TMTC2: variants seen among roughly 807,000 people sequenced by gnomAD.
TMTC2 encodes the protein transmembrane O-mannosyltransferase targeting cadherins 2, also known as protein O-mannosyl-transferase TMTC2.
Under a neutral mutation model 82.4 loss-of-function variants are expected in TMTC2, and 43 were observed. The observed-to-expected ratio is 0.52, with a 90% CI of 0.41 to 0.67. TMTC2 has a LOEUF of 0.67. Among genes scored for constraint, TMTC2 ranks in the 30% least tolerant of loss-of-function variants. The probability of loss-of-function intolerance (pLI) is 0.00; values close to 1 mark genes in which losing one functional copy is unlikely to be tolerated. For missense variants in TMTC2, 919 were observed against 1,012.4 expected (o/e 0.91, Z 1.25); for synonymous variants, 408 against 381.9 (o/e 1.07, Z -0.80).
intron 1 of TMTC2, among the ~76,000 whole-genome samples, chr12:82,790,290 T>C (rs1189757059): frequency 6.6e-6 from 1 of 151,938 alleles, no homozygotes; most frequent in African/African-American, 2.4e-5. Context: ...TTACTGTAAT[T>C]GTGAGGGGGT....
intron 11 of TMTC2, among the ~76,000 whole-genome samples, chr12:83,086,095 T>C (rs936837317): frequency 1.3e-5 from 2 of 152,080 alleles, no homozygotes; most frequent in Admixed American, 6.5e-5. Context: ...AAGTAAACTT[T>C]ACTGTTGAAA....
intron 1 of TMTC2, among the ~76,000 whole-genome samples, chr12:82,769,825 G>A (rs1223456586): frequency 6.6e-6 from 1 of 152,022 alleles, no homozygotes; most frequent in East Asian, 1.9e-4. Flanking sequence ...TTGCCAGGCT[G>A]GTCTTGAACT....
chr12:82,905,859 C>A (rs1279196164), intron 3 of TMTC2, among the ~76,000 whole-genome samples: 1 of 151,378 alleles, frequency 6.6e-6, no homozygotes, highest in African/African-American at 2.4e-5. Flanking sequence ...GCAGGAGAAT[C>A]GCTTGAACCC....
intron 1 of TMTC2, among the ~76,000 whole-genome samples, chr12:82,744,201 T>C (rs7132998): frequency 0.95 from 144,181 of 152,254 alleles, 68,757 homozygotes; most frequent in Non-Finnish European, 1. Flanking sequence ...GCGGGCGGAT[T>C]GTGAGGTGAA....
Position 82,874,892 on chromosome 12 carries a change from G to A in TMTC2, c.654+17312G>A, listed in dbSNP as rs566042129. ...GCTTTTTAAATACTGAAATTAATTT[G>A]ACAAATAATTTGAAATTAATTTTTT... is the stretch of plus-strand genomic sequence containing the variant. On this transcript the variant is annotated intron_variant, in intron 2 of 11. Coordinates refer to ENST00000321196, the MANE Select transcript of TMTC2 (RefSeq NM_152588.3). Among the ~76,000 whole-genome samples, 148 of 151,952 alleles carry A rather than the reference G, an allele frequency of 9.7e-4. 2 individuals are homozygous for A. The highest frequency in any genetic ancestry group is 3.3e-3 in the African/African-American group (136 of 41,428).
chr12:82,699,150 T>C (rs1251837263), intron 1 of TMTC2, among the ~76,000 whole-genome samples: 1 of 152,208 alleles, frequency 6.6e-6, no homozygotes, highest in African/African-American at 2.4e-5. Context: ...ACTTGGAGTC[T>C]GTGGTTGAGC....
chr12:82,985,645 T>G (rs892539), intron 7 of TMTC2, among the ~76,000 whole-genome samples: 117,199 of 152,074 alleles, frequency 0.77, 46,304 homozygotes, highest in East Asian at 0.96. Flanking sequence ...AAAGGACATA[T>G]GTCTGGGAAT....
At chr12:83,015,164 C>T (rs1452287844) in intron 8 of TMTC2, among the ~76,000 whole-genome samples, 4 of 151,772 alleles carry the variant, frequency 2.6e-5, no homozygotes, top group African/African-American at 7.3e-5. Flanking sequence ...ATAGATAATC[C>T]CTCAACTCTT....
intron 7 of TMTC2, among the ~76,000 whole-genome samples, chr12:82,980,611 A>G (rs1198873784): frequency 1.3e-5 from 2 of 151,084 alleles, no homozygotes; most frequent in Non-Finnish European, 3.0e-5. Context: ...GAGACTAGAA[A>G]AAAAAAATTA....
At chr12:82,774,614 G>A (rs561797483) in intron 1 of TMTC2, among the ~76,000 whole-genome samples, 4 of 147,666 alleles carry the variant, frequency 2.7e-5, no homozygotes, top group Non-Finnish European at 5.9e-5. Flanking sequence ...GGGTAAGACT[G>A]TCTCAAAAAA....
intron 1 of TMTC2, among the ~76,000 whole-genome samples, chr12:82,848,490 G>T (rs1473274282): frequency 2.0e-5 from 3 of 151,938 alleles, no homozygotes; most frequent in Non-Finnish European, 4.4e-5. Flanking sequence ...TATTTGCCTT[G>T]TCTACTTGGC....
intron 11 of TMTC2, among the ~76,000 whole-genome samples, chr12:83,063,856 A>T (rs1400429504): frequency 6.6e-6 from 1 of 151,866 alleles, no homozygotes; most frequent in East Asian, 1.9e-4. Flanking sequence ...CTTTGGAGAA[A>T]GCTGGAGCAG....
At chr12:82,925,992 G>T (rs2629037) in intron 3 of TMTC2, among the ~76,000 whole-genome samples, 1,699 of 131,956 alleles carry the variant, frequency 0.013, 25 homozygotes, top group African/African-American at 0.032. Flanking sequence ...TTTTTTTTTT[G>T]TTTTTTTTTT....
intron 1 of TMTC2, among the ~76,000 whole-genome samples, 164 bp from the exon 2 acceptor site, chr12:82,856,846 A>G (rs1313079871): frequency 2.0e-5 from 3 of 152,158 alleles, no homozygotes; most frequent in East Asian, 3.9e-4. Context: ...TGGTTTTAGT[A>G]AGCATTAAGG....
intron 11 of TMTC2, among the ~76,000 whole-genome samples, chr12:83,110,402 T>G (rs928833369): frequency 6.6e-6 from 1 of 152,154 alleles, no homozygotes; most frequent in Admixed American, 6.6e-5. Context: ...AGCAAAAAAC[T>G]TCTCAGGCTA....
At chr12:83,002,492 T>C (rs1246453159) in intron 8 of TMTC2, among the ~76,000 whole-genome samples, 1 of 152,172 alleles carries the variant, frequency 6.6e-6, no homozygotes, top group East Asian at 1.9e-4. Context: ...TTCCTGTAGG[T>C]GCGATGTTAG....
intron 11 of TMTC2, among the ~76,000 whole-genome samples, chr12:83,123,208 G>A (rs2137564002): frequency 6.6e-6 from 1 of 152,344 alleles, no homozygotes; most frequent in East Asian, 1.9e-4. Context: ...GAAGGATTGA[G>A]CACACAGGAT....
chr12:83,076,027 G>A (rs1320214060), intron 11 of TMTC2, among the ~76,000 whole-genome samples: 2 of 152,188 alleles, frequency 1.3e-5, no homozygotes, highest in African/African-American at 2.4e-5. Flanking sequence ...TAGAAGACAA[G>A]GATAGTGAAT....
At chr12:82,788,306 A>T (rs1338007908) in intron 1 of TMTC2, among the ~76,000 whole-genome samples, 1 of 152,180 alleles carries the variant, frequency 6.6e-6, no homozygotes, top group Non-Finnish European at 1.5e-5. Context: ...AAGGGAAATA[A>T]GTATTTTTCT....
Sources: allele counts gnomAD v4.1 joint callset (sites outside exome capture counted in the v4.1 genomes callset), GRCh38; gene constraint gnomAD v4.1.1; transcripts MANE v1.5; gene names NCBI Gene and HGNC (gene_info 2026-07-23, HGNC 2026-07-21).